The following ASTN1 variants were observed in gnomAD, a reference collection of about 807,000 sequenced individuals.
ASTN1 encodes the protein astrotactin 1.
A neutral mutation model predicts 140.7 loss-of-function variants in ASTN1; 41 were observed. That is an observed-to-expected ratio of 0.29 (90% CI 0.23 to 0.38). ASTN1 has a LOEUF of 0.38. Ranked by LOEUF, ASTN1 falls within the 10% of genes least tolerant of loss-of-function variation. ASTN1 has a pLI of 1.00. For synonymous variants in ASTN1, 640 were observed against 652.2 expected, an observed-to-expected ratio of 0.98 and a Z score of 0.29; for missense variants, 1,479 against 1,678.8, an observed-to-expected ratio of 0.88 and a Z score of 2.08.
chr1:177,060,174 G>A (rs563036989), intron 2 of ASTN1, among the ~76,000 whole-genome samples: 8 of 152,312 alleles, frequency 5.3e-5, no homozygotes, highest in African/African-American at 1.9e-4. Context: ...TTACTTTCCA[G>A]TGAGATTCTA....
At chr1:176,931,892 G>A (rs1671219414) in intron 16 of ASTN1, among the ~76,000 whole-genome samples, 1 of 152,182 alleles carries the variant, frequency 6.6e-6, no homozygotes, top group African/African-American at 2.4e-5. Flanking sequence ...GTAGAGAGAA[G>A]GGGAGACTTT....
chr1:177,119,639 A>T (rs1052085664), intron 1 of ASTN1, among the ~76,000 whole-genome samples: 5 of 152,246 alleles, frequency 3.3e-5, no homozygotes, highest in African/African-American at 1.2e-4. Context: ...CTTGAGGGCC[A>T]AAATGAACTA....
At chr1:177,016,171 G>A (rs1388122435) in intron 7 of ASTN1, among the ~76,000 whole-genome samples, 1 of 152,112 alleles carries the variant, frequency 6.6e-6, no homozygotes, top group East Asian at 1.9e-4. Context: ...GCTTTTTTTA[G>A]CATCTTAGCT....
At chr1:177,079,569 C>G (rs1679080231) in intron 1 of ASTN1, among the ~76,000 whole-genome samples, 1 of 152,094 alleles carries the variant, frequency 6.6e-6, no homozygotes, top group Non-Finnish European at 1.5e-5. Flanking sequence ...CCATTGTTCT[C>G]TGTTATGTGG....
intron 4 of ASTN1, 144 bp from the exon 5 acceptor site, chr1:177,029,885 G>T (rs1676337604): frequency 1.3e-5 from 10 of 759,818 alleles, no homozygotes; most frequent in Non-Finnish European, 1.9e-5. Context: ...GGGGGTTGGG[G>T]CTTCCTCATA....
intron 9 of ASTN1, among the ~76,000 whole-genome samples, chr1:176,960,777 G>T (rs541563958): frequency 1.4e-4 from 22 of 152,210 alleles, no homozygotes; most frequent in African/African-American, 5.3e-4. Flanking sequence ...TCACCTCTTT[G>T]CTTTTGCTCC....
intron 1 of ASTN1, among the ~76,000 whole-genome samples, chr1:177,149,079 A>G (rs1682853871): frequency 7.1e-6 from 1 of 141,164 alleles, no homozygotes; most frequent in Non-Finnish European, 1.5e-5. Context: ...AACTATATAT[A>G]GTAAACATAT....
chr1:177,063,144 G>A (rs924914628), intron 1 of ASTN1, among the ~76,000 whole-genome samples: 1 of 152,286 alleles, frequency 6.6e-6, no homozygotes, highest in South Asian at 2.1e-4. Context: ...GGTCCGCTAA[G>A]GGTAGGGCAA....
At chr1:177,122,919 T>C (rs1681472804) in intron 1 of ASTN1, among the ~76,000 whole-genome samples, 1 of 152,166 alleles carries the variant, frequency 6.6e-6, no homozygotes, top group South Asian at 2.1e-4. Flanking sequence ...TTGCCCCTTT[T>C]GGAGGCCTCT....
intron 16 of ASTN1, among the ~76,000 whole-genome samples, chr1:176,899,050 A>G (rs1301700369): frequency 2.6e-5 from 4 of 152,214 alleles, no homozygotes; most frequent in African/African-American, 9.6e-5. Flanking sequence ...TCCGGAGTCC[A>G]GTCAGGACAC....
chr1:177,032,694 G>C lies in ASTN1; in HGVS notation c.627C>G (p.Ile209Met), dbSNP rs757444447. Residue 209 changes from isoleucine to methionine, a missense_variant, in exon 3 of 23, where the codon ATC becomes ATG. By Grantham distance (10) the Ile-to-Met change is conservative (BLOSUM62 1). Coordinates refer to ENST00000361833, the MANE Select transcript of ASTN1 (RefSeq NM_004319.3). The stretch of plus-strand genomic sequence containing the variant: ...GCAGGCTCTCCCGTCCGTGCCCGCC[G>C]ATCAGCACAGAAGGAATGTAGTGAA... ...NEIHYIPSVL[I>M]GGHGRESLRN... The C allele has an allele frequency of 6.2e-7, 1 of 1,614,088 alleles. No individual in the cohort carries two copies. The highest frequency in any genetic ancestry group is 8.5e-7 in the Non-Finnish European group (1 of 1,180,028).
chr1:177,098,263 C>T (rs1024614096), intron 1 of ASTN1, among the ~76,000 whole-genome samples: 1 of 151,252 alleles, frequency 6.6e-6, no homozygotes, highest in Non-Finnish European at 1.5e-5. Context: ...ACTGGACACC[C>T]AGTTGGTGTC....
At chr1:177,114,521 C>G (rs1171567133) in intron 1 of ASTN1, among the ~76,000 whole-genome samples, 1 of 149,486 alleles carries the variant, frequency 6.7e-6, no homozygotes, top group East Asian at 1.9e-4. Flanking sequence ...TACCATGTAT[C>G]CTTTACCCCA....
At chr1:176,857,754 A>G, downstream of ASTN1, 1 of 421,400 alleles carries the variant, frequency 2.4e-6, no homozygotes, top group Non-Finnish European at 4.3e-6. Context: ...TGTGAGAACA[A>G]AGAGGCAGTG....
chr1:176,973,266 T>G (rs1673218865), intron 8 of ASTN1, among the ~76,000 whole-genome samples: 1 of 152,210 alleles, frequency 6.6e-6, no homozygotes, highest in Non-Finnish European at 1.5e-5. Context: ...TGCTTAGAAT[T>G]TATTCATTCT....
At chr1:177,002,376 AACACACAC>A (rs3979529) in intron 8 of ASTN1, among the ~76,000 whole-genome samples, 9,833 of 148,596 alleles carry the variant, frequency 0.066, 827 homozygotes, top group African/African-American at 0.2. Flanking sequence ...CTTACACACA[AACACACAC>A]ACACACACAC....
chr1:176,935,882 T>G (rs1225798239), intron 15 of ASTN1, among the ~76,000 whole-genome samples: 1 of 152,180 alleles, frequency 6.6e-6, no homozygotes, highest in Non-Finnish European at 1.5e-5. Context: ...GCTCTCTTTT[T>G]TTAGTTCATT....
At chr1:176,919,368 G>T (rs1196251753) in intron 16 of ASTN1, among the ~76,000 whole-genome samples, 1 of 152,176 alleles carries the variant, frequency 6.6e-6, no homozygotes, top group Non-Finnish European at 1.5e-5. Context: ...CCAGCCTAAA[G>T]AATGCAGGAC....
intron 14 of ASTN1, among the ~76,000 whole-genome samples, chr1:176,939,048 G>T (rs372395588): frequency 6.6e-6 from 1 of 151,810 alleles, no homozygotes; most frequent in African/African-American, 2.4e-5. Flanking sequence ...GGGGGCGGAG[G>T]TTGCAGTGGG....
Sources: allele counts gnomAD v4.1 joint callset (sites outside exome capture counted in the v4.1 genomes callset), GRCh38; gene constraint gnomAD v4.1.1; transcripts MANE v1.5; gene names NCBI Gene and HGNC (gene_info 2026-07-23, HGNC 2026-07-21).